The following IQCH variants were observed in gnomAD, a reference collection of about 807,000 sequenced individuals.
IQCH encodes the protein IQ motif containing H.
IQCH carries 98 observed loss-of-function variants against 117.0 expected under a neutral mutation model. The observed-to-expected ratio is 0.84, with a 90% CI of 0.71 to 0.99. The LOEUF is 0.99. IQCH is among the 50% of genes least tolerant of loss of function. IQCH has a pLI of 0.00. For synonymous variants in IQCH, 412 were observed against 448.2 expected (o/e 0.92, Z 1.02); for missense variants, 1,102 against 1,243.8 (o/e 0.89, Z 1.72).
intron 4 of IQCH, chr15:67,281,809 G>T (rs1966370920): frequency 2.2e-6 from 1 of 453,772 alleles, no homozygotes. Flanking sequence ...CTTCACAGAG[G>T]ATTCTGCATA....
chr15:67,319,004 T>G (rs1669933908), intron 4 of IQCH, among the ~76,000 whole-genome samples: 1 of 152,222 alleles, frequency 6.6e-6, no homozygotes, highest in Non-Finnish European at 1.5e-5. Flanking sequence ...AGGCAGGCAG[T>G]ATCACGAGGT....
chr15:67,394,791 G>T (rs1010680045), intron 12 of IQCH, among the ~76,000 whole-genome samples: 2 of 152,274 alleles, frequency 1.3e-5, no homozygotes, highest in African/African-American at 4.8e-5. Flanking sequence ...ATTATCTGAA[G>T]CAGATTTAGT....
chr15:67,263,386 C>G (rs1965538185), intron 3 of IQCH, among the ~76,000 whole-genome samples, 170 bp downstream of exon 3: 1 of 152,054 alleles, frequency 6.6e-6, no homozygotes, highest in African/African-American at 2.4e-5. Flanking sequence ...AGATCAAGTA[C>G]AGTGAACATT....
chr15:67,261,469 A>C, intron 2 of IQCH, 75 bp downstream of exon 2: 50 of 1,263,242 alleles, frequency 4.0e-5, no homozygotes, highest in Non-Finnish European at 4.7e-5. Context: ...TGCAGTTCTC[A>C]TAGAGTCCTG....
At chr15:67,429,815 C>T (rs2081981532) in intron 16 of IQCH, among the ~76,000 whole-genome samples, 1 of 152,154 alleles carries the variant, frequency 6.6e-6, no homozygotes, top group South Asian at 2.1e-4. Flanking sequence ...AGCAATGCCT[C>T]AAGGACAGTC....
chr15:67,383,062 G>A (rs1044896540), intron 10 of IQCH, among the ~76,000 whole-genome samples: 8 of 152,022 alleles, frequency 5.3e-5, no homozygotes, highest in African/African-American at 1.9e-4. Context: ...TGTACATTGC[G>A]TTGTATCTTG....
rs547118815 is a variant in IQCH, at chr15:67,419,303, C to G, written c.2219-1988C>G. ...TTTAAAAAACCTGGTTCTTGAAAGT[C>G]ATGTGTTTTCAAAGCTTCTGCCTTT... On this transcript the variant is annotated intron_variant, in intron 15 of 20. Coordinates refer to ENST00000335894, the MANE Select transcript of IQCH (RefSeq NM_001031715.3). Among the ~76,000 whole-genome samples, 13 of 152,288 alleles carry G rather than the reference C, an allele frequency of 8.5e-5. No individual in the cohort carries two copies. In the East Asian group the frequency reaches 2.5e-3, roughly 29 times the overall value.
intron 4 of IQCH, among the ~76,000 whole-genome samples, chr15:67,330,754 C>A (rs1968631228): frequency 6.6e-6 from 1 of 152,156 alleles, no homozygotes; most frequent in African/African-American, 2.4e-5. Context: ...TATGCTTTGG[C>A]TATTTTTCCT....
At chr15:67,394,307 C>T (rs1341469558) in intron 12 of IQCH, among the ~76,000 whole-genome samples, 2 of 152,186 alleles carry the variant, frequency 1.3e-5, no homozygotes, top group Non-Finnish European at 2.9e-5. Context: ...AAGTGCTTTA[C>T]ATACATTATC....
At chr15:67,266,573 C>T (rs868798716) in intron 3 of IQCH, among the ~76,000 whole-genome samples, 4 of 152,162 alleles carry the variant, frequency 2.6e-5, no homozygotes, top group East Asian at 1.9e-4. Flanking sequence ...AGGAGAATGG[C>T]GTGAACCCGG....
chr15:67,262,763 T>C (rs1965512229), intron 2 of IQCH, among the ~76,000 whole-genome samples: 1 of 152,154 alleles, frequency 6.6e-6, no homozygotes, highest in Non-Finnish European at 1.5e-5. Context: ...CATGTGCCTG[T>C]GGTCCCAGCT....
intron 6 of IQCH, among the ~76,000 whole-genome samples, chr15:67,352,644 G>T (rs1162364439): frequency 1.3e-5 from 2 of 151,796 alleles, no homozygotes; most frequent in African/African-American, 4.8e-5. Flanking sequence ...GGACTATTGA[G>T]GAGTCAGTGG....
chr15:67,357,919 C>T lies in IQCH; in HGVS notation c.714+498C>T, dbSNP rs370406995. Among the ~76,000 whole-genome samples the T allele has an allele frequency of 9.9e-5, 15 of 152,056 alleles. No homozygotes were observed. In the East Asian group the frequency reaches 1.7e-3, roughly 18 times the overall value. ...CTGTTGCCCAGGCTGGAGTGCAGTG[C>T]ACTATGTCGACTCACTGCAACCTCT... On this transcript the variant is annotated intron_variant, in intron 7 of 20. Coordinates refer to ENST00000335894, the MANE Select transcript of IQCH (RefSeq NM_001031715.3).
intron 16 of IQCH, among the ~76,000 whole-genome samples, chr15:67,423,444 C>G (rs558093017): frequency 1.3e-5 from 2 of 152,124 alleles, no homozygotes; most frequent in East Asian, 3.9e-4. Context: ...TGGCATGTAC[C>G]TGTAGTCCCA....
rs762400888 is a variant in IQCH at position 67,372,649 on chromosome 15, G to T, written c.1292G>T (p.Arg431Leu). 5 of 1,603,388 alleles carry T rather than the reference G, an allele frequency of 3.1e-6. No homozygotes were observed. The highest frequency in any genetic ancestry group is 4.3e-6 in the Non-Finnish European group (5 of 1,174,362). Residue 431 changes from arginine (R) to leucine (L), a missense_variant, in exon 9 of 21, where the codon CGC becomes CTC. Transcript: ENST00000335894. ...CGTCAGAGACACCTGGAGAATTTTCGCATTCGAGCCAAGGTGCACAAGGCT... is the reference window on the plus strand; with the variant it reads ...CGTCAGAGACACCTGGAGAATTTTCTCATTCGAGCCAAGGTGCACAAGGCT... ...ESRQRHLENF[R>L]IRAKHLAANW...
At chr15:67,276,423 A>G (rs1966126874) in intron 3 of IQCH, among the ~76,000 whole-genome samples, 1 of 152,212 alleles carries the variant, frequency 6.6e-6, no homozygotes, top group South Asian at 2.1e-4. Context: ...CATGGTGGTG[A>G]GTTTCCTGGG....
At chr15:67,321,008 T>C (rs1343416126) in intron 4 of IQCH, among the ~76,000 whole-genome samples, 1 of 152,226 alleles carries the variant, frequency 6.6e-6, no homozygotes, top group African/African-American at 2.4e-5. Context: ...TTCTGCAGAA[T>C]AGCTCACAGA....
chr15:67,294,539 A>C (rs945023405), intron 4 of IQCH, among the ~76,000 whole-genome samples: 7 of 152,152 alleles, frequency 4.6e-5, no homozygotes, highest in Non-Finnish European at 1.0e-4. Context: ...CACAGCTGGC[A>C]TGTTCCTTTG....
At chr15:67,258,221 C>T (rs867925892) in intron 1 of IQCH, among the ~76,000 whole-genome samples, 5 of 129,466 alleles carry the variant, frequency 3.9e-5, no homozygotes, top group African/African-American at 1.2e-4. Context: ...AGCAGCACAG[C>T]GAGACTCTGT....
Sources: allele counts gnomAD v4.1 joint callset (sites outside exome capture counted in the v4.1 genomes callset), GRCh38; gene constraint gnomAD v4.1.1; transcripts MANE v1.5; gene names NCBI Gene and HGNC (gene_info 2026-07-23, HGNC 2026-07-21).